The following CDH5 variants were observed in gnomAD, a reference collection of about 807,000 sequenced individuals.
The protein encoded by CDH5 is cadherin 5.
CDH5 carries 28 observed loss-of-function variants against 62.0 expected under a neutral mutation model. That is an observed-to-expected ratio of 0.45 (90% CI 0.33 to 0.62). CDH5 has a LOEUF of 0.62. CDH5 is among the 20% of genes least tolerant of loss of function. The probability of loss-of-function intolerance (pLI) is 0.02; values close to 1 mark genes in which losing one functional copy is unlikely to be tolerated. For synonymous variants in CDH5, 464 were observed against 445.8 expected (o/e 1.04, Z -0.52); for missense variants, 940 against 1,065.1 (o/e 0.88, Z 1.63).
rs75998783 is a variant in CDH5 at position 66,378,002 on chromosome 16, C to A, written c.-19-1317C>A. ...AATGTTCTGTCGCCTTCTTAAAATT[C>A]TTTTGCACTGGGCCACACAAATTAT... is the stretch of plus-strand genomic sequence containing the variant. On this transcript the variant is annotated intron_variant, in intron 1 of 11. Coordinates refer to ENST00000341529, the MANE Select transcript of CDH5 (RefSeq NM_001795.5). Among the ~76,000 whole-genome samples, 1,175 of 152,282 alleles carry A rather than the reference C, an allele frequency of 7.7e-3. 7 individuals carry two copies. The highest frequency in any genetic ancestry group is 0.013 in the Non-Finnish European group (891 of 68,026).
intron 7 of CDH5, chr16:66,393,017 C>T (rs942323832): frequency 2.6e-5 from 4 of 152,302 alleles, no homozygotes; most frequent in African/African-American, 9.7e-5. Flanking sequence ...ATTTGCTCTT[C>T]TATCTTAACT....
chr16:66,382,846 GC>G (rs746395772), intron 2 of CDH5, among the ~76,000 whole-genome samples: 2 of 152,204 alleles, frequency 1.3e-5, no homozygotes, highest in Non-Finnish European at 2.9e-5. Flanking sequence ...CAAGGTCAGA[GC>G]CTGGAGCCTT....
rs375411367 is a variant in CDH5 at position 66,402,977 on chromosome 16, C to A, written c.2163C>A (p.Asp721Glu). ...VKKDEADHDG[D>E]GPPYDTLHIY... ...AGGACGAGGCGGACCACGACGGCGA[C>A]GGCCCCCCCTACGACACGCTGCACA... Residue 721 changes from aspartate (D) to glutamate (E), a missense_variant, in exon 12 of 12, where the codon GAC becomes GAA. Coordinates refer to ENST00000341529, the MANE Select transcript of CDH5 (RefSeq NM_001795.5). 1.2e-6 allele frequency: 2 copies of A among 1,613,106 alleles called. No homozygotes were observed. The highest frequency in any genetic ancestry group is 1.1e-5 in the South Asian group (1 of 91,012).
rs1035990775 is a variant in CDH5, at chr16:66,391,640, G to A, written c.970-496G>A. On this transcript the variant is annotated intron_variant, in intron 6 of 11. Transcript: ENST00000341529. ...ATACCAAAATTAGCTGGGCGTGGTGGCAGGTGCCTGTAATCCCAGCTACTT... is the reference window on the plus strand; with the variant it reads ...ATACCAAAATTAGCTGGGCGTGGTGACAGGTGCCTGTAATCCCAGCTACTT... Among the ~76,000 whole-genome samples the A allele has an allele frequency of 5.3e-5, 8 of 152,292 alleles. No homozygotes were observed. The East Asian group carries it at 1.2e-3, about 22-fold the overall frequency.
rs545890996 is a variant in CDH5 at position 66,382,578 on chromosome 16, A to G, written c.210+3031A>G. 2.6e-5 allele frequency among the ~76,000 whole-genome samples: 4 copies of G among 152,334 alleles called. No individual in the cohort carries two copies. In the East Asian group the frequency reaches 5.8e-4, roughly 22 times the overall value. ...TCAAGGAAAATCTATGGAGTGAGTC[A>G]GGGAAAGTCCGTAGAAAGTGGGGGC... On this transcript the variant is annotated intron_variant, in intron 2 of 11. Coordinates refer to ENST00000341529, the MANE Select transcript of CDH5 (RefSeq NM_001795.5).
intron 1 of CDH5, among the ~76,000 whole-genome samples, chr16:66,369,338 G>T (rs1960643239): frequency 6.6e-6 from 1 of 152,194 alleles, no homozygotes; most frequent in Non-Finnish European, 1.5e-5. Context: ...CACCAGGCTG[G>T]AGAGGGCGGG....
At position 66,395,834 on chromosome 16, in the gene CDH5, A is replaced by T. The variant is rs183604530; in HGVS notation, c.1218-225A>T. On this transcript the variant is annotated intron_variant, in intron 7 of 11. Transcript: ENST00000341529. ...TCTGATGGTCTCAGGTACCACCTCCAGTCCAGTGATGGCAATGTAACTAAG... is the reference window on the plus strand; with the variant it reads ...TCTGATGGTCTCAGGTACCACCTCCTGTCCAGTGATGGCAATGTAACTAAG... The T allele has an allele frequency of 1.2e-3, 526 of 453,946 alleles. 4 individuals are homozygous for T. The highest frequency in any genetic ancestry group is 1.5e-4 in the Non-Finnish European group (39 of 258,222). 28.1% of individuals were successfully genotyped at this position (453,946 alleles called of 1,614,324 possible).
intron 1 of CDH5, among the ~76,000 whole-genome samples, chr16:66,376,885 C>T (rs1239026180): frequency 6.6e-6 from 1 of 152,180 alleles, no homozygotes; most frequent in Admixed American, 6.5e-5. Flanking sequence ...TACTGCGGCA[C>T]CCCCATTGCC....
intron 2 of CDH5, among the ~76,000 whole-genome samples, chr16:66,384,191 C>T (rs1960944709): frequency 6.9e-6 from 1 of 144,858 alleles, no homozygotes; most frequent in Non-Finnish European, 1.5e-5. Flanking sequence ...CTCAAATGAT[C>T]CTCCTCCCTC....
intron 8 of CDH5, among the ~76,000 whole-genome samples, chr16:66,397,401 T>G (rs1961204631): frequency 6.6e-6 from 1 of 152,168 alleles, no homozygotes; most frequent in African/African-American, 2.4e-5. Flanking sequence ...TTAATTTTTT[T>G]TGTAGAGATG....
intron 1 of CDH5, among the ~76,000 whole-genome samples, chr16:66,375,881 C>T (rs1435030618): frequency 6.6e-6 from 1 of 151,414 alleles, no homozygotes; most frequent in Non-Finnish European, 1.5e-5. Context: ...GCTGACGCGG[C>T]GGATCGCCTG....
chr16:66,394,342 T>C (rs527410011), intron 7 of CDH5, among the ~76,000 whole-genome samples: 1 of 152,336 alleles, frequency 6.6e-6, no homozygotes, highest in African/African-American at 2.4e-5. Flanking sequence ...ACTTTTAATT[T>C]TTCCAGGTCA....
Position 66,387,133 on chromosome 16 carries a change from T to G in CDH5, c.499+36T>G, listed in dbSNP as rs1232775984. On this transcript the variant is annotated intron_variant, in intron 3 of 11. Transcript: ENST00000341529. Reference sequence around the variant, plus strand: ...TGCCCACTCTGTCCTCCTCCCTCCCTCATCCCCAGCCTGGGGGCACCTCTC... The same window carrying G: ...TGCCCACTCTGTCCTCCTCCCTCCCGCATCCCCAGCCTGGGGGCACCTCTC... 4 of 1,580,622 alleles carry G rather than the reference T, an allele frequency of 2.5e-6. No homozygotes were observed. The South Asian group carries it at 4.7e-5, about 19-fold the overall frequency.
In CDH5 at chr16:66,379,507, A is replaced by T. The variant is rs761655079; in HGVS notation, c.170A>T (p.Asp57Val). The T allele has an allele frequency of 3.8e-5, 61 of 1,614,116 alleles. No individual in the cohort carries two copies. The highest frequency in any genetic ancestry group is 4.9e-5 in the Non-Finnish European group (58 of 1,180,044). Reference protein sequence around the residue: ...RDWIWNQMHIDEEKNTSLPHH... With the variant: ...RDWIWNQMHIVEEKNTSLPHH... ...TGGATTTGGAACCAGATGCACATTG[A>T]TGAAGAGAAAAACACCTCACTTCCC... The change falls in exon 2 of 12, where the codon GAT becomes GTT. Residue 57 changes from aspartate to valine, a missense_variant. Asp to Val is a radical substitution (Grantham distance 152). Transcript: ENST00000341529.
rs1402867080 is a variant in CDH5, at chr16:66,389,466, C to T, written c.725C>T (p.Ala242Val). ...AQGLRGDSGTATVLVTLQDIN... is the reference protein window; with the variant it reads ...AQGLRGDSGTVTVLVTLQDIN... Reference sequence around the variant, plus strand: ...GGCCTCCGGGGGGACTCGGGCACGGCCACCGTGCTGGTCACTCTGCAAGAC... The same window carrying T: ...GGCCTCCGGGGGGACTCGGGCACGGTCACCGTGCTGGTCACTCTGCAAGAC... Residue 242 changes from alanine (A) to valine (V), a missense_variant, in exon 5 of 12, where the codon GCC becomes GTC. Ala to Val is a moderately conservative substitution (Grantham distance 64). Transcript: ENST00000341529. 1.2e-6 allele frequency: 2 copies of T among 1,612,894 alleles called. No individual in the cohort carries two copies. The highest frequency in any genetic ancestry group is 1.3e-5 in the African/African-American group (1 of 75,008).
In CDH5 at chr16:66,403,034, C is replaced by T. The variant is rs761933366; in HGVS notation, c.2220C>T (p.Ala740=). ...IYGYEGSESI[A]ESLSSLGTDS... Reference sequence around the variant, plus strand: ...GCTACGAGGGCTCCGAGTCCATAGCCGAGTCCCTCAGCTCCCTGGGCACCG... The same window carrying T: ...GCTACGAGGGCTCCGAGTCCATAGCTGAGTCCCTCAGCTCCCTGGGCACCG... Residue 740 remains alanine (A), a synonymous_variant, in exon 12 of 12, where the codon GCC becomes GCT. Coordinates refer to ENST00000341529, the MANE Select transcript of CDH5 (RefSeq NM_001795.5). The surrounding 1 kb of genome is among the most constrained non-coding windows in gnomAD (Gnocchi z 4.3). 3 of 1,613,318 alleles carry T rather than the reference C, an allele frequency of 1.9e-6. No homozygotes were observed. The highest frequency in any genetic ancestry group is 2.2e-5 in the East Asian group (1 of 44,842).
chr16:66,378,821 G>A (rs1000732232), intron 1 of CDH5, among the ~76,000 whole-genome samples: 1 of 152,106 alleles, frequency 6.6e-6, no homozygotes, highest in Non-Finnish European at 1.5e-5. Flanking sequence ...GCATGAAGGG[G>A]GTCTGGTTCT....
chr16:66,394,754 C>A (rs1961145227), intron 7 of CDH5, among the ~76,000 whole-genome samples: 1 of 150,872 alleles, frequency 6.6e-6, no homozygotes, highest in Admixed American at 6.6e-5. Flanking sequence ...TGTTTTAATT[C>A]TTCCCATGCC....
At chr16:66,397,864 C>A (rs1009305249) in intron 8 of CDH5, 118 bp from the exon 9 acceptor site, 1 of 1,158,744 alleles carries the variant, frequency 8.6e-7, no homozygotes, top group South Asian at 1.4e-5. Flanking sequence ...GGCCTCTGTT[C>A]CACAGCCTCC....
Sources: gnomAD v4.1 joint callset for allele counts (sites outside exome capture counted in the v4.1 genomes callset) on GRCh38, gnomAD v4.1.1 for gene constraint, Gnocchi (gnomAD v3.1) non-coding constraint, MANE v1.5 for transcripts, NCBI Gene and HGNC (gene_info 2026-07-23, HGNC 2026-07-21) for gene names.